DUS3L: variants seen among roughly 807,000 people sequenced by gnomAD.
The protein encoded by DUS3L is dihydrouridine synthase 3 like, also known as tRNA-dihydrouridine(47) synthase [NAD(P)(+)]-like.
Under a neutral mutation model 74.6 loss-of-function variants are expected in DUS3L, and 62 were observed. That is an observed-to-expected ratio of 0.83 (90% CI 0.68 to 1.03). The LOEUF (loss-of-function observed/expected upper bound fraction) is 1.03. DUS3L is among the 50% of genes least tolerant of loss of function. The pLI is 0.00. For synonymous variants in DUS3L, 433 were observed against 395.7 expected (o/e 1.09, Z -1.12); for missense variants, 884 against 924.4 (o/e 0.96, Z 0.57).
chr19:5,789,429 C>G lies in DUS3L; in HGVS notation c.678G>C (p.Glu226Asp), dbSNP rs1250989158. ...QQLRKREVRF[E>D]RAEQALRRFS... ...ACCGGCGCAGGGCCTGCTCAGCTCG[C>G]TCGAAGCGGACCTCGCGCTTCCGCA... The change falls in exon 3 of 13, where the codon GAG (glutamate) becomes GAC (aspartate). Residue 226 changes from glutamate (E) to aspartate (D), a missense_variant. By Grantham distance (45) the Glu-to-Asp change is conservative. Transcript: ENST00000309061. 6.3e-7 allele frequency: 1 copy of G among 1,598,190 alleles called. No individual in the cohort carries two copies. Among genetic ancestry groups the G allele is most frequent in the Non-Finnish European group, 8.5e-7 (1 of 1,176,760 alleles).
At position 5,788,361 on chromosome 19, in the gene DUS3L, G is replaced by C. The variant is rs2056875831; in HGVS notation, c.938C>G (p.Thr313Ser). 1 of 1,613,654 alleles carries C rather than the reference G, an allele frequency of 6.2e-7. No homozygotes were observed. The highest frequency in any genetic ancestry group is 1.3e-5 in the African/African-American group (1 of 74,938). ...GCCACCTGACCCAGGTCCTACCGTGGTGAGGGGGGCCAGGTAAAGTTTGCC... is the reference window on the plus strand; with the variant it reads ...GCCACCTGACCCAGGTCCTACCGTGCTGAGGGGGGCCAGGTAAAGTTTGCC... ...IRGKLYLAPL[T>S]TCGNLPFRRI... Residue 313 changes from threonine (T) to serine (S), a missense_variant, in exon 4 of 13, where the codon ACC (threonine) becomes AGC (serine). Coordinates refer to ENST00000309061, the MANE Select transcript of DUS3L (RefSeq NM_020175.3).
rs992353261 is a variant in DUS3L at position 5,790,852 on chromosome 19, T to C, written c.98+192A>G. 2.4e-5 allele frequency: 15 copies of C among 619,404 alleles called. No individual in the cohort carries two copies. The Admixed American group carries it at 3.2e-4, about 13-fold the overall frequency. 38.4% of individuals were successfully genotyped at this position (619,404 alleles called of 1,614,324 possible). A position where few individuals can be genotyped will look rare whatever the true frequency, so the allele number is the denominator to read the frequency against. ...GCATGCACGTGGTGTCCTTCGCGCATGTGACAGGCCCCAACGTGCACGATC... is the reference window on the plus strand; with the variant it reads ...GCATGCACGTGGTGTCCTTCGCGCACGTGACAGGCCCCAACGTGCACGATC... On this transcript the variant is annotated intron_variant, in intron 1 of 12. Transcript: ENST00000309061.
chr19:5,791,019 C>G (rs1032994520), intron 1 of DUS3L, 25 bp downstream of exon 1: 4 of 1,576,186 alleles, frequency 2.5e-6, no homozygotes, highest in Non-Finnish European at 3.4e-6. Flanking sequence ...GGCCCTTCAG[C>G]TTCCCTCCTG....
At position 5,790,083 on chromosome 19, in the gene DUS3L, G is replaced by T; in HGVS notation, c.351C>A (p.Asn117Lys). The change falls in exon 2 of 13, where the codon AAC (asparagine) becomes AAA (lysine). Residue 117 changes from asparagine (N) to lysine (K), a missense_variant. Transcript: ENST00000309061. ...AGGGACACAGCCTGTTCTTGTCGTA[G>T]TTCGTGGGCTTCACATGGGGCCGGC... ...NKGRPHVKPT[N>K]YDKNRLCPSL... 1 of 1,614,174 alleles carries T rather than the reference G, an allele frequency of 6.2e-7. No homozygotes were observed. Among genetic ancestry groups the T allele is most frequent in the Non-Finnish European group, 8.5e-7 (1 of 1,180,042 alleles).
rs1033511927 is a variant in DUS3L at position 5,790,963 on chromosome 19, A to G, written c.98+81T>C. Reference sequence around the variant, plus strand: ...GCTTCTCGCCCTCAGCCGCTGCCTAATCTCCCGGCATGCACAGCTCGGACC... The same window carrying G: ...GCTTCTCGCCCTCAGCCGCTGCCTAGTCTCCCGGCATGCACAGCTCGGACC... On this transcript the variant is annotated intron_variant, in intron 1 of 12. Coordinates refer to ENST00000309061, the MANE Select transcript of DUS3L (RefSeq NM_020175.3). 15 of 1,371,992 alleles carry G rather than the reference A, an allele frequency of 1.1e-5. No homozygotes were observed. The African/African-American group carries it at 2.2e-4, about 20-fold the overall frequency. The allele number at this position is 1,371,992 out of a possible 1,614,324, so 85.0% of individuals were successfully genotyped here. A position where few individuals can be genotyped will look rare whatever the true frequency, so the allele number is the denominator to read the frequency against.
chr19:5,785,603 C>G lies in DUS3L; in HGVS notation c.1751G>C (p.Arg584Pro). The change falls in exon 11 of 13, where the codon CGG (arginine) becomes CCG (proline). Residue 584 changes from arginine (R) to proline (P), a missense_variant and splice_region_variant. Coordinates refer to ENST00000309061, the MANE Select transcript of DUS3L (RefSeq NM_020175.3). ...FLLEWLSFLC[R>P]YVPVGLLERL... ...CACCCCAGCCAGCCCCGGTGCCCAC[C>G]GGCACAGGAAGGACAGCCACTCGAG... 1 of 1,601,124 alleles carries G rather than the reference C, an allele frequency of 6.2e-7. No individual in the cohort carries two copies. Among genetic ancestry groups the G allele is most frequent in the Non-Finnish European group, 8.5e-7 (1 of 1,172,944 alleles).
intron 10 of DUS3L, 159 bp from the exon 11 acceptor site, chr19:5,785,950 C>A: frequency 2.6e-6 from 2 of 778,288 alleles, no homozygotes; most frequent in Non-Finnish European, 3.9e-6. Flanking sequence ...AAGCACAGGA[C>A]TTTCTTTTGT....
At position 5,790,295 on chromosome 19, in the gene DUS3L, C is replaced by T. The variant is rs1599623896; in HGVS notation, c.139G>A (p.Ala47Thr). The change falls in exon 2 of 13, where the codon GCC (alanine) becomes ACC (threonine). Residue 47 changes from alanine to threonine, a missense_variant. Ala to Thr is a moderately conservative substitution (Grantham distance 58). Transcript: ENST00000309061. ...TKEQFHQFLE[A>T]KGQEKTCRET... The stretch of plus-strand genomic sequence containing the variant: ...CGGCAAGTCTTCTCCTGCCCTTTGG[C>T]TTCCAGGAATTGGTGAAACTGCTCC... The T allele has an allele frequency of 1.2e-5, 20 of 1,614,170 alleles. No individual in the cohort carries two copies. The East Asian group carries it at 4.2e-4, about 34-fold the overall frequency.
intron 10 of DUS3L, 77 bp downstream of exon 10, chr19:5,786,390 G>A: frequency 1.4e-6 from 2 of 1,428,518 alleles, no homozygotes; most frequent in Non-Finnish European, 1.9e-6. Flanking sequence ...ACAGAACAGG[G>A]GTGGGTGACG....
chr19:5,790,164 T>C lies in DUS3L; in HGVS notation c.270A>G (p.Ala90=), dbSNP rs2056895860. Residue 90 remains alanine, a synonymous_variant, in exon 2 of 13, where the codon GCA becomes GCG. Coordinates refer to ENST00000309061, the MANE Select transcript of DUS3L (RefSeq NM_020175.3). ...GQTADGQTEE[A]AEPGEQLQTQ... Reference sequence around the variant, plus strand: ...TCTGTAGCTGCTCCCCGGGCTCTGCTGCCTCCTCCGTCTGCCCGTCCGCCG... The same window carrying C: ...TCTGTAGCTGCTCCCCGGGCTCTGCCGCCTCCTCCGTCTGCCCGTCCGCCG... The C allele has an allele frequency of 6.2e-7, 1 of 1,614,178 alleles. No homozygotes were observed. Among genetic ancestry groups the C allele is most frequent in the Non-Finnish European group, 8.5e-7 (1 of 1,180,040 alleles).
At chr19:5,788,441 C>T (rs1302043147) in intron 3 of DUS3L, 43 bp from the exon 4 acceptor site, 2 of 1,591,992 alleles carry the variant, frequency 1.3e-6, no homozygotes, top group African/African-American at 2.7e-5. Context: ...TGGCCTCCAC[C>T]CCAGCTGCTG....
intron 3 of DUS3L, 116 bp downstream of exon 3, chr19:5,789,091 A>G: frequency 7.1e-7 from 1 of 1,414,296 alleles, no homozygotes. Flanking sequence ...GAGCTCCCTC[A>G]AGGCACACAG....
rs2056828703 is a variant in DUS3L, at chr19:5,785,213, GC to G, written c.1942del (p.Ala648ArgfsTer19). 1 of 1,607,866 alleles carries G rather than the reference GC, an allele frequency of 6.2e-7. No individual in the cohort carries two copies. The highest frequency in any genetic ancestry group is 8.5e-7 in the Non-Finnish European group (1 of 1,177,880). ...TGGGAAAGCCTGAGGCTACTTGTAC[GC>G]GTTGGCCTTGTGCTTCGGCAAGAAG... is the stretch of plus-strand genomic sequence containing the variant. ...FAFLPKHKAN[A>X]YK On this transcript the variant is annotated frameshift_variant, in exon 13 of 13. Transcript: ENST00000309061. LOFTEE classifies it high-confidence loss of function.
At chr19:5,789,956 G>C in intron 2 of DUS3L, 91 bp downstream of exon 2, 1 of 1,536,668 alleles carries the variant, frequency 6.5e-7, no homozygotes, top group South Asian at 1.2e-5. Flanking sequence ...CGTTGCTGAA[G>C]GCCCAGGAGC....
chr19:5,785,607 A>G lies in DUS3L; in HGVS notation c.1747T>C (p.Cys583Arg). ...RFLLEWLSFL[C>R]RYVPVGLLER... ...CCAGCCAGCCCCGGTGCCCACCGGC[A>G]CAGGAAGGACAGCCACTCGAGCAGA... The change falls in exon 11 of 13, where the codon TGC becomes CGC. Residue 583 changes from cysteine (C) to arginine (R), a missense_variant. Physicochemically the swap from Cys to Arg is radical, Grantham distance 180. Coordinates refer to ENST00000309061, the MANE Select transcript of DUS3L (RefSeq NM_020175.3). 6.2e-7 allele frequency: 1 copy of G among 1,604,382 alleles called. No individual in the cohort carries two copies. The highest frequency in any genetic ancestry group is 1.1e-5 in the South Asian group (1 of 90,478).
rs557560176 is a variant in DUS3L, at chr19:5,789,223, G to A, written c.884C>T (p.Pro295Leu). 2 of 1,542,528 alleles carry A rather than the reference G, an allele frequency of 1.3e-6. No homozygotes were observed. Among genetic ancestry groups the A allele is most frequent in the South Asian group, 2.5e-5 (2 of 80,254 alleles). The change falls in exon 3 of 13, where the codon CCC (proline) becomes CTC (leucine). Residue 295 changes from proline (P) to leucine (L), a missense_variant. Coordinates refer to ENST00000309061, the MANE Select transcript of DUS3L (RefSeq NM_020175.3). ...AACACGTACCCGCTTCTTCTCACAG[G>A]GCCGCAGCCTGACCACGTCCTCATC... is the stretch of plus-strand genomic sequence containing the variant. ...LTDEDVVRLRPCEKKRLDIRG... is the reference protein window; with the variant it reads ...LTDEDVVRLRLCEKKRLDIRG...
In DUS3L at chr19:5,787,712, G is replaced by A. The variant is rs1268568647; in HGVS notation, c.1096-7C>T. The A allele has an allele frequency of 6.2e-7, 1 of 1,612,456 alleles. No homozygotes were observed. Among genetic ancestry groups the A allele is most frequent in the African/African-American group, 1.3e-5 (1 of 74,934 alleles). ...CGGGGAAGGCGCCCTCCAGCTGTAG[G>A]TGGGTAGTGGCAGAACAGGAGGGTG... On this transcript the variant is annotated splice_polypyrimidine_tract_variant and splice_region_variant and intron_variant, in intron 5 of 12. Coordinates refer to ENST00000309061, the MANE Select transcript of DUS3L (RefSeq NM_020175.3).
chr19:5,790,114 T>G lies in DUS3L; in HGVS notation c.320A>C (p.Asn107Thr). ...LQTQKRARGQ[N>T]KGRPHVKPTN... is the part of the protein sequence containing the mutation. ...GGGCTTCACATGGGGCCGGCCCTTG[T>G]TTTGTCCCCGGGCCCTCTTCTGAGT... is the stretch of plus-strand genomic sequence containing the variant. Residue 107 changes from asparagine to threonine, a missense_variant, in exon 2 of 13, where the codon AAC becomes ACC. Physicochemically the swap from Asn to Thr is moderately conservative, Grantham distance 65. Coordinates refer to ENST00000309061, the MANE Select transcript of DUS3L (RefSeq NM_020175.3). 6.2e-7 allele frequency: 1 copy of G among 1,614,072 alleles called. No homozygotes were observed. The highest frequency in any genetic ancestry group is 8.5e-7 in the Non-Finnish European group (1 of 1,179,982).
At position 5,790,268 on chromosome 19, in the gene DUS3L, C is replaced by G; in HGVS notation, c.166G>C (p.Glu56Gln). Residue 56 changes from glutamate to glutamine, a missense_variant, in exon 2 of 13, where the codon GAA becomes CAA. By Grantham distance (29) the Glu-to-Gln change is conservative. Transcript: ENST00000309061. ...CCAGCAGGGTCTCCTACCTCGGTTTCCCGGCAAGTCTTCTCCTGCCCTTTG... is the reference window on the plus strand; with the variant it reads ...CCAGCAGGGTCTCCTACCTCGGTTTGCCGGCAAGTCTTCTCCTGCCCTTTG... ...EAKGQEKTCRETEVGDPAGNE... is the reference protein window; with the variant it reads ...EAKGQEKTCRQTEVGDPAGNE... 6.2e-7 allele frequency: 1 copy of G among 1,614,194 alleles called. No homozygotes were observed. Among genetic ancestry groups the G allele is most frequent in the Non-Finnish European group, 8.5e-7 (1 of 1,180,036 alleles).
Sources: allele counts gnomAD v4.1 joint callset, GRCh38; gene constraint gnomAD v4.1.1; transcripts MANE v1.5; gene names NCBI Gene and HGNC (gene_info 2026-07-23, HGNC 2026-07-21).